Variants in PUM3 observed in about 807,000 individuals in gnomAD.
The protein encoded by PUM3 is pumilio RNA binding family member 3.
Under a neutral mutation model 84.0 loss-of-function variants are expected in PUM3, and 91 were observed. The ratio of observed to expected loss-of-function variants is 1.08; its 90% confidence interval spans 0.91 to 1.29. The LOEUF (loss-of-function observed/expected upper bound fraction) is 1.29, where lower values mean the gene tolerates loss of function less well. PUM3 is among the 50% of genes most tolerant of loss of function. The pLI is 0.00. For synonymous variants in PUM3, 321 were observed against 266.7 expected, an observed-to-expected ratio of 1.20 and a Z score of -1.98; for missense variants, 1,067 against 767.5, an observed-to-expected ratio of 1.39 and a Z score of -4.61.
intron 9 of PUM3, among the ~76,000 whole-genome samples, chr9:2,827,781 G>C (rs1332536287): frequency 6.6e-6 from 1 of 152,144 alleles, no homozygotes; most frequent in Admixed American, 6.5e-5. Flanking sequence ...TGAGTGTTTT[G>C]GAACAACCAA....
rs199940603 is a variant in PUM3 at position 2,820,099 on chromosome 9, C to T, written c.1189-1G>A. 6.2e-7 allele frequency: 1 copy of T among 1,606,100 alleles called. No individual in the cohort carries two copies. The highest frequency in any genetic ancestry group is 2.2e-5 in the East Asian group (1 of 44,736). On this transcript the variant is annotated splice_acceptor_variant, in intron 12 of 17. Coordinates refer to ENST00000397885, the MANE Select transcript of PUM3 (RefSeq NM_014878.5). LOFTEE classifies it high-confidence loss of function. ...GTAAAACCAAATGGGAGTATTGGCC[C>T]TGCAAGAATTGGAAGCCAGCAAAGG... is the stretch of plus-strand genomic sequence containing the variant.
intron 12 of PUM3, among the ~76,000 whole-genome samples, chr9:2,820,885 T>C (rs1821575304): frequency 6.6e-6 from 1 of 152,186 alleles, no homozygotes; most frequent in Non-Finnish European, 1.5e-5. Context: ...ACCTACTTTA[T>C]GTTAAGAACA....
chr9:2,813,905 G>A (rs967892553), intron 13 of PUM3, among the ~76,000 whole-genome samples: 6 of 152,148 alleles, frequency 3.9e-5, no homozygotes, highest in Non-Finnish European at 7.3e-5. Flanking sequence ...GCTGCACACT[G>A]ATCATCTAAC....
At chr9:2,841,377 G>A (rs755609607) in intron 1 of PUM3, among the ~76,000 whole-genome samples, 1 of 152,122 alleles carries the variant, frequency 6.6e-6, no homozygotes, top group African/African-American at 2.4e-5. Context: ...GAGGTCAGGA[G>A]TTCAAGACCA....
intron 12 of PUM3, among the ~76,000 whole-genome samples, chr9:2,823,406 G>A (rs930305927): frequency 6.6e-5 from 10 of 152,026 alleles, no homozygotes; most frequent in Admixed American, 3.3e-4. Context: ...TTTCTGAAGT[G>A]CAATCTGGCA....
chr9:2,828,894 T>A (rs549165222), intron 8 of PUM3, 116 bp from the exon 9 acceptor site: 1 of 689,588 alleles, frequency 1.5e-6, no homozygotes, highest in South Asian at 1.6e-5. Context: ...AGATTTCCCA[T>A]ATTTACATAA....
At chr9:2,820,198 G>GT (rs1821560177) in intron 12 of PUM3, 100 bp from the exon 13 acceptor site, 1 of 321,514 alleles carries the variant, frequency 3.1e-6, no homozygotes. Context: ...GCGAGACTCC[G>GT]CTCAAAAAAA....
rs778511452 is a variant in PUM3 at position 2,811,601 on chromosome 9, C to A, written c.1413-18G>T. The A allele has an allele frequency of 1.9e-6, 3 of 1,588,226 alleles. No homozygotes were observed. Among genetic ancestry groups the A allele is most frequent in the Non-Finnish European group, 2.6e-6 (3 of 1,157,456 alleles). On this transcript the variant is annotated intron_variant, in intron 14 of 17. Transcript: ENST00000397885. Reference sequence around the variant, plus strand: ...CTTTCTTACTGTTGAGTATGTTGAACGGGGTATTAAGGTAAGATAAATCGC... The same window carrying A: ...CTTTCTTACTGTTGAGTATGTTGAAAGGGGTATTAAGGTAAGATAAATCGC...
At position 2,821,443 on chromosome 9, in the gene PUM3, C is replaced by CAAAAAAAAAAAAAAAAAAAA. The variant is rs572752267; in HGVS notation, c.1189-1346_1189-1345insTTTTTTTTTTTTTTTTTTTT. 1.3e-3 allele frequency among the ~76,000 whole-genome samples: 64 copies of CAAAAAAAAAAAAAAAAAAAA among 50,092 alleles called. 3 individuals carry two copies. Among genetic ancestry groups the CAAAAAAAAAAAAAAAAAAAA allele is most frequent in the African/African-American group, 2.9e-3 (36 of 12,416 alleles). The allele number at this position is 50,092 out of a possible 152,430, so 32.9% of individuals were successfully genotyped here. A position where few individuals can be genotyped will look rare whatever the true frequency, so the allele number is the denominator to read the frequency against. On this transcript the variant is annotated intron_variant, in intron 12 of 17. Coordinates refer to ENST00000397885, the MANE Select transcript of PUM3 (RefSeq NM_014878.5). ...TGGGCGACAGAGCAAGACTCTGTCT[C>CAAAAAAAAAAAAAAAAAAAA]AAAAAAAAAAAAAAAAAAAGAACAT...
chr9:2,829,087 T>A (rs1224736235), intron 8 of PUM3, among the ~76,000 whole-genome samples: 1 of 152,248 alleles, frequency 6.6e-6, no homozygotes, highest in Non-Finnish European at 1.5e-5. Flanking sequence ...TGCCACCATA[T>A]GTTTTATAAT....
chr9:2,838,365 T>C (rs1268039272), intron 2 of PUM3, 61 bp downstream of exon 2: 3 of 1,089,832 alleles, frequency 2.8e-6, no homozygotes, highest in Non-Finnish European at 4.3e-6. Flanking sequence ...TGAAATTTAC[T>C]ACATGCCCTC....
intron 1 of PUM3, among the ~76,000 whole-genome samples, chr9:2,841,658 G>C (rs1264391746): frequency 1.3e-5 from 2 of 150,658 alleles, no homozygotes; most frequent in Non-Finnish European, 2.9e-5. Flanking sequence ...AGTTTTACTT[G>C]CTAACTTTAG....
At position 2,831,037 on chromosome 9, in the gene PUM3, C is replaced by G. The variant is rs763088514; in HGVS notation, c.611-9G>C. On this transcript the variant is annotated splice_polypyrimidine_tract_variant and intron_variant, in intron 6 of 17. Coordinates refer to ENST00000397885, the MANE Select transcript of PUM3 (RefSeq NM_014878.5). ...TAACTCAACCAAATCATCTGAAAAA[C>G]AAAAATACATTACAGTGACTTCAGA... 7.2e-7 allele frequency: 1 copy of G among 1,384,322 alleles called. No individual in the cohort carries two copies. The highest frequency in any genetic ancestry group is 1.4e-5 in the African/African-American group (1 of 69,960). The allele number at this position is 1,384,322 out of a possible 1,614,324, so 85.8% of individuals were successfully genotyped here.
Position 2,836,247 on chromosome 9 carries a change from T to A in PUM3, c.304+933A>T, listed in dbSNP as rs551945606. On this transcript the variant is annotated intron_variant, in intron 3 of 17. Transcript: ENST00000397885. Reference sequence around the variant, plus strand: ...CTAGGGGATGGCACTGAGAAAACCATCCCCAGTGGTCTCAGCTGGCAACAA... The same window carrying A: ...CTAGGGGATGGCACTGAGAAAACCAACCCCAGTGGTCTCAGCTGGCAACAA... Among the ~76,000 whole-genome samples, 14 of 151,934 alleles carry A rather than the reference T, an allele frequency of 9.2e-5. No individual in the cohort carries two copies. In the East Asian group the frequency reaches 1.7e-3, roughly 19 times the overall value.
chr9:2,835,074 T>A (rs142278491), intron 3 of PUM3, among the ~76,000 whole-genome samples: 2 of 151,234 alleles, frequency 1.3e-5, no homozygotes, highest in Admixed American at 6.6e-5. Flanking sequence ...TAGCCACTGA[T>A]AATTTTCCCC....
chr9:2,817,332 G>T (rs1247059286), intron 13 of PUM3, among the ~76,000 whole-genome samples: 1 of 152,116 alleles, frequency 6.6e-6, no homozygotes, highest in African/African-American at 2.4e-5. Flanking sequence ...CCTATAGCCT[G>T]TTTTTGTCCA....
chr9:2,811,730 T>C (rs1821378757), intron 14 of PUM3, 147 bp from the exon 15 acceptor site: 1 of 635,384 alleles, frequency 1.6e-6, no homozygotes. Context: ...ATGTAGACAA[T>C]AAGTGATACG....
chr9:2,814,366 A>C (rs182902871), intron 13 of PUM3, among the ~76,000 whole-genome samples: 2 of 152,130 alleles, frequency 1.3e-5, no homozygotes, highest in African/African-American at 4.8e-5. Context: ...CTGCACTATG[A>C]CACCCAGCTT....
Position 2,829,914 on chromosome 9 carries a change from A to G in PUM3, c.712T>C (p.Phe238Leu), listed in dbSNP as rs141030068. ...KPQIAEIIRS[F>L]KGHVRKMLRH... ...AGCATCTTCCTCACGTGGCCTTTAA[A>G]ACTTCTGATTATCTCTGCAATCTGT... Residue 238 changes from phenylalanine (F) to leucine (L), a missense_variant, in exon 8 of 18, where the codon TTT becomes CTT. Coordinates refer to ENST00000397885, the MANE Select transcript of PUM3 (RefSeq NM_014878.5). The G allele has an allele frequency of 7.7e-5, 125 of 1,613,630 alleles. No homozygotes were observed. Among genetic ancestry groups the G allele is most frequent in the Non-Finnish European group, 9.8e-5 (116 of 1,179,720 alleles).
Sources: gnomAD v4.1 joint callset for allele counts (sites outside exome capture counted in the v4.1 genomes callset) on GRCh38, gnomAD v4.1.1 for gene constraint, MANE v1.5 for transcripts, NCBI Gene and HGNC (gene_info 2026-07-23, HGNC 2026-07-21) for gene names.